Variants in CACNA1E observed in about 807,000 individuals in gnomAD.
The protein encoded by CACNA1E is voltage-dependent R-type calcium channel subunit alpha-1E.
In CACNA1E, 40 loss-of-function variants were observed where a neutral mutation model predicts 259.2. The ratio of observed to expected loss-of-function variants is 0.15; its 90% CI spans 0.12 to 0.20. CACNA1E has a LOEUF of 0.20. Ranked by LOEUF, CACNA1E falls within the 10% of genes least tolerant of loss-of-function variation. The pLI is 1.00. For missense variants in CACNA1E, 1,874 were observed against 3,040.1 expected (o/e 0.62, Z 9.02); for synonymous variants, 1,104 against 1,138.5 (o/e 0.97, Z 0.61).
At position 181,710,940 on chromosome 1, in the gene CACNA1E, C is replaced by T. The variant is rs1454245675; in HGVS notation, c.1056-14C>T. ...CTGTCCAAACCCAGTGAATCTTATC[C>T]TTCTTGTCCACAGGGAATTTGCCAA... On this transcript the variant is annotated splice_polypyrimidine_tract_variant and intron_variant, in intron 7 of 47. Coordinates refer to ENST00000367573, the MANE Select transcript of CACNA1E (RefSeq NM_001205293.3). 2 of 1,578,304 alleles carry T rather than the reference C, an allele frequency of 1.3e-6. No homozygotes were observed. The highest frequency in any genetic ancestry group is 2.2e-5 in the East Asian group (1 of 44,726).
intron 1 of CACNA1E, among the ~76,000 whole-genome samples, chr1:181,357,242 T>A (rs1050496764): frequency 6.6e-6 from 1 of 152,138 alleles, no homozygotes; most frequent in African/African-American, 2.4e-5. Flanking sequence ...CTTCCTCCCC[T>A]CCAGCGGAGG....
intron 2 of CACNA1E, among the ~76,000 whole-genome samples, chr1:181,459,561 C>T (rs542765583): frequency 4.6e-5 from 7 of 152,262 alleles, no homozygotes; most frequent in African/African-American, 7.2e-5. Flanking sequence ...GTGACTGGAG[C>T]GATGGGGAAG....
At chr1:181,773,789 A>G (rs1659732272) in intron 37 of CACNA1E, among the ~76,000 whole-genome samples, 1 of 152,248 alleles carries the variant, frequency 6.6e-6, no homozygotes, top group Admixed American at 6.5e-5. Context: ...TAAGTGTTTC[A>G]TAATAAATAT....
At chr1:181,659,000 C>T (rs1248825745) in intron 7 of CACNA1E, among the ~76,000 whole-genome samples, 1 of 151,948 alleles carries the variant, frequency 6.6e-6, no homozygotes, top group Admixed American at 6.6e-5. Context: ...GAGCTTTCTC[C>T]TTAGAGTGGG....
chr1:181,798,165 A>G lies in CACNA1E; in HGVS notation c.6400-127A>G, dbSNP rs946655339. 4.1e-6 allele frequency: 3 copies of G among 722,968 alleles called. No homozygotes were observed. Among genetic ancestry groups the G allele is most frequent in the Admixed American group, 2.4e-5 (1 of 41,540 alleles). The allele number at this position is 722,968 out of a possible 1,614,324, so 44.8% of individuals were successfully genotyped here. ...CCTTTTTCCCTGAGTGGATGTGAAT[A>G]CTACAGGGAGCTCCAGCTCAGGCCT... is the stretch of plus-strand genomic sequence containing the variant. On this transcript the variant is annotated intron_variant, in intron 47 of 47. Coordinates refer to ENST00000367573, the MANE Select transcript of CACNA1E (RefSeq NM_001205293.3). This position sits in a 1 kb window ranked among gnomAD's most constrained non-coding sequence, Gnocchi z 4.2.
intron 1 of CACNA1E, among the ~76,000 whole-genome samples, chr1:181,335,062 C>T (rs966093893): frequency 1.3e-5 from 2 of 152,236 alleles, no homozygotes; most frequent in African/African-American, 4.8e-5. Context: ...GCATGCTCTT[C>T]TCCAGGTTTC....
chr1:181,504,880 G>C (rs1375677208), intron 1 of CACNA1E, among the ~76,000 whole-genome samples: 1 of 152,220 alleles, frequency 6.6e-6, no homozygotes, highest in Non-Finnish European at 1.5e-5. Context: ...AGACTAGAAA[G>C]AGAGTTGGAG....
intron 6 of CACNA1E, among the ~76,000 whole-genome samples, chr1:181,626,090 GACT>G (rs1350386867): frequency 3.9e-5 from 6 of 152,068 alleles, no homozygotes; most frequent in African/African-American, 1.2e-4. Flanking sequence ...ACATAAACAT[GACT>G]TATGGTACCC....
rs201958682 is a variant in CACNA1E at position 181,385,788 on chromosome 1, TTCCC to T, written c.-14-27329_-14-27326del. Among the ~76,000 whole-genome samples, 658 of 150,952 alleles carry T rather than the reference TTCCC, an allele frequency of 4.4e-3. 5 individuals are homozygous for T. Among genetic ancestry groups the T allele is most frequent in the African/African-American group, 0.01 (428 of 41,166 alleles). On this transcript the variant is annotated intron_variant, in intron 1 of 11. Coordinates refer to the CACNA1E transcript ENST00000524607. ...CTCTCTTACTTCCCTCCCTCCTTTC[TTCCC>T]TCCCTCCCTCCCTCCGTTTCTCCAT...
In CACNA1E at chr1:181,476,072, C is replaced by T. The variant is rs142027703; in HGVS notation, c.435-7672C>T. Among the ~76,000 whole-genome samples, 28 of 152,092 alleles carry T rather than the reference C, an allele frequency of 1.8e-4. No individual in the cohort carries two copies. In the East Asian group the frequency reaches 2.9e-3, roughly 16 times the overall value. Reference sequence around the variant, plus strand: ...GATGTGGTGGCTGGGATGCCAAGAACGATGACCTCTGAGGAGAGGGGGAGG... The same window carrying T: ...GATGTGGTGGCTGGGATGCCAAGAATGATGACCTCTGAGGAGAGGGGGAGG... On this transcript the variant is annotated intron_variant, in intron 2 of 11. Coordinates refer to the CACNA1E transcript ENST00000524607.
intron 3 of CACNA1E, 38 bp downstream of exon 3, chr1:181,511,548 GA>G: frequency 6.2e-7 from 1 of 1,609,830 alleles, no homozygotes; most frequent in Non-Finnish European, 8.5e-7. Context: ...GTGTGTGTAT[GA>G]AGGGGGTTGG....
chr1:181,441,526 A>T (rs1304544172), intron 2 of CACNA1E, among the ~76,000 whole-genome samples: 1 of 152,198 alleles, frequency 6.6e-6, no homozygotes, highest in East Asian at 1.9e-4. Context: ...GAACACAATG[A>T]TTGGTCATTC....
At chr1:181,748,189 G>C (rs1207798727) in intron 25 of CACNA1E, among the ~76,000 whole-genome samples, 1 of 152,132 alleles carries the variant, frequency 6.6e-6, no homozygotes, top group East Asian at 1.9e-4. Flanking sequence ...AGACCTGTGG[G>C]AGTTAGGATG....
chr1:181,775,917 A>T (rs949606976), intron 37 of CACNA1E, among the ~76,000 whole-genome samples, 184 bp from the exon 38 acceptor site: 1 of 152,156 alleles, frequency 6.6e-6, no homozygotes, highest in Non-Finnish European at 1.5e-5. Flanking sequence ...TGCTTCTGTG[A>T]TCCGGCACTT....
chr1:181,632,773 T>C (rs1656865683), intron 6 of CACNA1E, among the ~76,000 whole-genome samples: 1 of 152,148 alleles, frequency 6.6e-6, no homozygotes, highest in Non-Finnish European at 1.5e-5. Flanking sequence ...CTGGGCTAAA[T>C]GGAAATAGAA....
intron 16 of CACNA1E, among the ~76,000 whole-genome samples, chr1:181,723,442 C>T (rs567417955): frequency 1.3e-5 from 2 of 152,298 alleles, no homozygotes; most frequent in South Asian, 4.1e-4. Flanking sequence ...TACTCATCAA[C>T]AATTAATGCA....
At chr1:181,561,473 C>T (rs868312356) in intron 3 of CACNA1E, among the ~76,000 whole-genome samples, 3 of 152,188 alleles carry the variant, frequency 2.0e-5, no homozygotes, top group Non-Finnish European at 2.9e-5. Context: ...TCATCCTCAG[C>T]CTCTAGTAAC....
At chr1:181,577,705 C>A in intron 3 of CACNA1E, 61 bp from the exon 4 acceptor site, 3 of 1,150,700 alleles carry the variant, frequency 2.6e-6, no homozygotes, top group Non-Finnish European at 3.8e-6. Flanking sequence ...CCGCTTCCTG[C>A]ATGGAACAAG....
intron 25 of CACNA1E, among the ~76,000 whole-genome samples, chr1:181,742,444 C>G (rs920895444): frequency 6.6e-6 from 1 of 152,350 alleles, no homozygotes; most frequent in South Asian, 2.1e-4. Flanking sequence ...GTCCACCATT[C>G]AAATAACCTT....
Sources: allele counts gnomAD v4.1 joint callset (sites outside exome capture counted in the v4.1 genomes callset), GRCh38; gene constraint gnomAD v4.1.1; non-coding constraint Gnocchi (gnomAD v3.1); transcripts MANE v1.5; gene names NCBI Gene and HGNC (gene_info 2026-07-23, HGNC 2026-07-21).